The following SMARCC1 variants were observed in gnomAD, a reference collection of about 807,000 sequenced individuals.
The protein encoded by SMARCC1 is SWI/SNF related BAF chromatin remodeling complex subunit C1, also known as SWI/SNF complex subunit SMARCC1.
A neutral mutation model predicts 147.4 loss-of-function variants in SMARCC1; 43 were observed. The ratio of observed to expected loss-of-function variants is 0.29; its 90% CI spans 0.23 to 0.38. The LOEUF is 0.38. Ranked by LOEUF, SMARCC1 falls within the 10% of genes least tolerant of loss-of-function variation. SMARCC1 has a pLI of 1.00. For missense variants in SMARCC1, 1,119 were observed against 1,381.1 expected (o/e 0.81, Z 3.01); for synonymous variants, 495 against 484.4 (o/e 1.02, Z -0.29).
intron 25 of SMARCC1, among the ~76,000 whole-genome samples, chr3:47,612,986 C>T (rs1458230034): frequency 6.6e-6 from 1 of 152,170 alleles, no homozygotes; most frequent in African/African-American, 2.4e-5. Context: ...GTTCTAGATA[C>T]CTTATTTTTA....
chr3:47,755,842 T>G (rs1195726893), intron 2 of SMARCC1, among the ~76,000 whole-genome samples: 2 of 151,188 alleles, frequency 1.3e-5, no homozygotes, highest in Non-Finnish European at 2.9e-5. Context: ...ATACAAAAAG[T>G]AGCCAGGCGT....
chr3:47,624,744 G>A (rs2032783290), intron 24 of SMARCC1, among the ~76,000 whole-genome samples: 1 of 152,114 alleles, frequency 6.6e-6, no homozygotes, highest in African/African-American at 2.4e-5. Flanking sequence ...TATAGGGCAA[G>A]CGATGATTCA....
intron 20 of SMARCC1, 28 bp from the exon 21 acceptor site, chr3:47,661,483 A>G (rs944009836): frequency 6.3e-7 from 1 of 1,580,108 alleles, no homozygotes; most frequent in Non-Finnish European, 8.6e-7. Context: ...ATGGAACAGC[A>G]ATCTAACTTT....
chr3:47,595,233 T>G (rs1440959573), intron 26 of SMARCC1, among the ~76,000 whole-genome samples: 4 of 152,122 alleles, frequency 2.6e-5, no homozygotes, highest in Non-Finnish European at 5.9e-5. Context: ...AAATTTTTTT[T>G]AAACACATGG....
At chr3:47,599,107 C>T (rs528261710) in intron 26 of SMARCC1, among the ~76,000 whole-genome samples, 1 of 152,306 alleles carries the variant, frequency 6.6e-6, no homozygotes, top group East Asian at 1.9e-4. Context: ...TTCTGACAGG[C>T]TGTGCGCAGT....
intron 24 of SMARCC1, among the ~76,000 whole-genome samples, chr3:47,626,641 G>T (rs369559571): frequency 6.6e-6 from 1 of 152,052 alleles, no homozygotes; most frequent in Non-Finnish European, 1.5e-5. Flanking sequence ...TTCTTAGAAG[G>T]GACTTGTGGT....
intron 24 of SMARCC1, among the ~76,000 whole-genome samples, chr3:47,631,314 A>G (rs937781761): frequency 6.6e-6 from 1 of 152,252 alleles, no homozygotes; most frequent in Non-Finnish European, 1.5e-5. Context: ...GAAAACGTAT[A>G]TATGAGGTGG....
chr3:47,659,369 C>T (rs1307599551), intron 21 of SMARCC1, among the ~76,000 whole-genome samples: 3 of 149,968 alleles, frequency 2.0e-5, no homozygotes, highest in African/African-American at 7.3e-5. Flanking sequence ...ATAAAGATAT[C>T]ATAGGAAAAG....
At chr3:47,759,307 A>G (rs1295346850) in intron 2 of SMARCC1, among the ~76,000 whole-genome samples, 2 of 151,576 alleles carry the variant, frequency 1.3e-5, no homozygotes, top group Middle Eastern at 6.8e-3. Context: ...GCCACAGCAT[A>G]CAGTACACTC....
At chr3:47,622,420 A>C in intron 24 of SMARCC1, 79 bp from the exon 25 acceptor site, 1 of 1,327,774 alleles carries the variant, frequency 7.5e-7, no homozygotes, top group Non-Finnish European at 1.1e-6. Flanking sequence ...CAATATTCAA[A>C]GTAGAGATTA....
intron 24 of SMARCC1, among the ~76,000 whole-genome samples, chr3:47,629,717 G>A (rs1342783748): frequency 6.6e-6 from 1 of 152,036 alleles, no homozygotes; most frequent in African/African-American, 2.4e-5. Context: ...TATAAATGAA[G>A]TTGTCTCTGG....
intron 26 of SMARCC1, among the ~76,000 whole-genome samples, chr3:47,608,514 A>C (rs1263329742): frequency 6.6e-6 from 1 of 152,142 alleles, no homozygotes; most frequent in Non-Finnish European, 1.5e-5. Flanking sequence ...ATTACCACAA[A>C]AAGAAAAACT....
chr3:47,728,483 T>G (rs902434221), intron 6 of SMARCC1, among the ~76,000 whole-genome samples: 3 of 152,138 alleles, frequency 2.0e-5, no homozygotes, highest in Admixed American at 2.0e-4. Flanking sequence ...CCTTTTTCGT[T>G]AGGTTTAATT....
At chr3:47,766,174 T>C (rs959952222) in intron 2 of SMARCC1, among the ~76,000 whole-genome samples, 4 of 152,226 alleles carry the variant, frequency 2.6e-5, no homozygotes, top group Non-Finnish European at 5.9e-5. Flanking sequence ...ATCCAGTTAC[T>C]TGAGACTCTC....
rs2033597710 is a variant in SMARCC1, at chr3:47,678,274, G to A, written c.1495C>T (p.Arg499Cys). The change falls in exon 16 of 28, where the codon CGT becomes TGT. Residue 499 changes from arginine to cysteine, a missense_variant. By Grantham distance (180) the Arg-to-Cys change is radical. Around this residue, in one of 6 missense-constraint regions of SMARCC1, gnomAD observed 14 missense variants for 40.3 expected, o/e 0.35. Coordinates refer to ENST00000254480, the MANE Select transcript of SMARCC1 (RefSeq NM_003074.4). ...AYRNFMIDTY[R>C]LNPQEYLTST... ...GTTAAATACTCTTGGGGGTTTAGAC[G>A]ATACGTGTCAATCATAAAATTTCGA... 1 of 1,599,040 alleles carries A rather than the reference G, an allele frequency of 6.3e-7. No individual in the cohort carries two copies. The highest frequency in any genetic ancestry group is 1.1e-5 in the South Asian group (1 of 88,320).
At chr3:47,744,768 A>C (rs2034548208) in intron 3 of SMARCC1, among the ~76,000 whole-genome samples, 1 of 152,142 alleles carries the variant, frequency 6.6e-6, no homozygotes, top group Non-Finnish European at 1.5e-5. Flanking sequence ...GAAACTCCAG[A>C]GTTCAAGAGA....
intron 21 of SMARCC1, among the ~76,000 whole-genome samples, chr3:47,642,265 G>A (rs889052166): frequency 2.6e-5 from 4 of 152,188 alleles, no homozygotes; most frequent in Non-Finnish European, 5.9e-5. Flanking sequence ...TTGCTTTACA[G>A]AAGTACATAT....
intron 24 of SMARCC1, among the ~76,000 whole-genome samples, chr3:47,628,113 C>T (rs1046994263): frequency 6.6e-6 from 1 of 151,896 alleles, no homozygotes; most frequent in East Asian, 1.9e-4. Flanking sequence ...TCATCAAATT[C>T]GGAAAGTTTC....
intron 13 of SMARCC1, among the ~76,000 whole-genome samples, chr3:47,687,084 T>G (rs778955083): frequency 6.6e-6 from 1 of 152,192 alleles, no homozygotes; most frequent in Non-Finnish European, 1.5e-5. Context: ...AACCTAAATC[T>G]CCTGTTACAG....
Sources: allele counts gnomAD v4.1 joint callset (sites outside exome capture counted in the v4.1 genomes callset), GRCh38; gene constraint gnomAD v4.1.1; regional missense constraint gnomAD v4.1.1; transcripts MANE v1.5; gene names NCBI Gene and HGNC (gene_info 2026-07-23, HGNC 2026-07-21).